Variants in ACTL8 observed in about 807,000 individuals in gnomAD.
ACTL8 encodes the protein actin-like protein 8.
In ACTL8, 3 loss-of-function variants were observed where a neutral mutation model predicts 9.3. That is an observed-to-expected ratio of 0.32 (90% CI 0.15 to 0.83). The LOEUF is 0.83. Ranked by LOEUF, ACTL8 falls within the 40% of genes least tolerant of loss-of-function variation. ACTL8 has a pLI of 0.57. For missense variants in ACTL8, 381 were observed against 492.2 expected (o/e 0.77, Z 2.14); for synonymous variants, 224 against 205.9 (o/e 1.09, Z -0.75).
rs149848891 is a variant in ACTL8, at chr1:17,784,314, G to T, written c.-25+28810G>T. On this transcript the variant is annotated intron_variant, in intron 1 of 2. Coordinates refer to ENST00000375406, the MANE Select transcript of ACTL8 (RefSeq NM_030812.3). ...CTTGAGGACAGCAAGGGGGAAGTCC[G>T]CCCCCATGATCCAGTCACCTCCCAC... is the stretch of plus-strand genomic sequence containing the variant. Among the ~76,000 whole-genome samples the T allele has an allele frequency of 1.3e-3, 198 of 152,210 alleles. 2 individuals carry two copies. In the East Asian group the frequency reaches 0.02, roughly 15 times the overall value.
intron 1 of ACTL8, among the ~76,000 whole-genome samples, chr1:17,781,022 C>G (rs1389704894): frequency 1.3e-5 from 2 of 152,096 alleles, no homozygotes; most frequent in African/African-American, 4.8e-5. Flanking sequence ...AGTCTGAGAT[C>G]GGTCAGCAGA....
At chr1:17,757,456 C>T (rs894029280) in intron 1 of ACTL8, among the ~76,000 whole-genome samples, 2 of 152,142 alleles carry the variant, frequency 1.3e-5, no homozygotes, top group Admixed American at 1.3e-4. Context: ...ACAATCTAAA[C>T]TGCAAGTCAC....
intron 1 of ACTL8, among the ~76,000 whole-genome samples, chr1:17,784,198 T>C (rs1456530925): frequency 6.6e-6 from 1 of 152,158 alleles, no homozygotes; most frequent in African/African-American, 2.4e-5. Context: ...AGCAAGCATC[T>C]TCTTAACATG....
At chr1:17,806,009 C>T (rs1238615647) in intron 1 of ACTL8, among the ~76,000 whole-genome samples, 3 of 152,192 alleles carry the variant, frequency 2.0e-5, no homozygotes, top group South Asian at 2.1e-4. Flanking sequence ...GTATCCATTC[C>T]GGTCCTTGGG....
chr1:17,773,181 G>A (rs1225353989), intron 1 of ACTL8, among the ~76,000 whole-genome samples: 3 of 152,166 alleles, frequency 2.0e-5, no homozygotes, highest in African/African-American at 7.2e-5. Flanking sequence ...TATGTGTTTA[G>A]GAGAAGCAGA....
chr1:17,823,339 C>G lies in ACTL8; in HGVS notation c.331C>G (p.Arg111Gly). Residue 111 changes from arginine (R) to glycine (G), a missense_variant, in exon 2 of 3, where the codon CGA becomes GGA. By Grantham distance (125) the Arg-to-Gly change is moderately radical. Transcript: ENST00000375406. This position sits in a 1 kb window ranked among gnomAD's most constrained non-coding sequence, Gnocchi z 5.3. ...TETPLREPAD[R>G]KKMLEILFEL... ...GACACCCTTGAGGGAGCCTGCGGAC[C>G]GAAAGAAGATGCTGGAGGTGAGGCC... The G allele has an allele frequency of 6.2e-7, 1 of 1,612,888 alleles. No homozygotes were observed. The highest frequency in any genetic ancestry group is 1.1e-5 in the South Asian group (1 of 90,998).
rs149798043 is a variant in ACTL8 at position 17,787,926 on chromosome 1, G to C, written c.-25+32422G>C. 9.1e-4 allele frequency among the ~76,000 whole-genome samples: 138 copies of C among 152,302 alleles called. 2 individuals are homozygous for C. In the East Asian group the frequency reaches 0.016, roughly 17 times the overall value. ...GCCAGCAAGAGATGTTATTGGCCTT[G>C]TTAGTTTTGTGGGGGCTGAGAGGTA... On this transcript the variant is annotated intron_variant, in intron 1 of 2. Coordinates refer to ENST00000375406, the MANE Select transcript of ACTL8 (RefSeq NM_030812.3).
intron 1 of ACTL8, among the ~76,000 whole-genome samples, chr1:17,774,491 ACTC>A (rs2066104871): frequency 1.3e-5 from 2 of 151,676 alleles, no homozygotes; most frequent in South Asian, 2.1e-4. Flanking sequence ...TGAAAATTCA[ACTC>A]CTCAGGGGCC....
chr1:17,795,289 C>T (rs1271220474), intron 1 of ACTL8, among the ~76,000 whole-genome samples: 1 of 152,192 alleles, frequency 6.6e-6, no homozygotes, highest in African/African-American at 2.4e-5. Flanking sequence ...CCCCACCGTA[C>T]TTTGTCCTCA....
chr1:17,793,374 A>G (rs2066255481), intron 1 of ACTL8, among the ~76,000 whole-genome samples: 1 of 152,226 alleles, frequency 6.6e-6, no homozygotes, highest in Non-Finnish European at 1.5e-5. Context: ...TTATCTGCGC[A>G]GCTAGTTAAC....
chr1:17,826,115 G>A lies in ACTL8; in HGVS notation c.697G>A (p.Asp233Asn), dbSNP rs1336471590. ...DFRERQQSAL[D>N]ESNTYQLPDG... The stretch of plus-strand genomic sequence containing the variant: ...TCGTGAGAGGCAGCAGAGTGCCTTG[G>A]ATGAGAGCAACACCTATCAGCTCCC... The change falls in exon 3 of 3, where the codon GAT becomes AAT. Residue 233 changes from aspartate to asparagine, a missense_variant. Asp to Asn is a conservative substitution (Grantham distance 23). Coordinates refer to ENST00000375406, the MANE Select transcript of ACTL8 (RefSeq NM_030812.3). This position sits in a 1 kb window ranked among gnomAD's most constrained non-coding sequence, Gnocchi z 4.5. 6.2e-7 allele frequency: 1 copy of A among 1,610,542 alleles called. No homozygotes were observed. The highest frequency in any genetic ancestry group is 8.5e-7 in the Non-Finnish European group (1 of 1,179,366).
At chr1:17,795,630 A>G (rs1420458135) in intron 1 of ACTL8, among the ~76,000 whole-genome samples, 2 of 152,212 alleles carry the variant, frequency 1.3e-5, no homozygotes, top group Admixed American at 1.3e-4. Context: ...CTGGGATAAC[A>G]GATTCCCTTT....
chr1:17,806,258 ACAAT>A (rs1411918870), intron 1 of ACTL8, among the ~76,000 whole-genome samples: 1 of 152,202 alleles, frequency 6.6e-6, no homozygotes, highest in Non-Finnish European at 1.5e-5. Context: ...ATGCCAAGAG[ACAAT>A]CAATCAAGCC....
In ACTL8 at chr1:17,826,054, C is replaced by T; in HGVS notation, c.636C>T (p.Cys212=). 6.2e-7 allele frequency: 1 copy of T among 1,606,770 alleles called. No individual in the cohort carries two copies. The highest frequency in any genetic ancestry group is 8.5e-7 in the Non-Finnish European group (1 of 1,179,988). Residue 212 remains cysteine, a synonymous_variant, in exon 3 of 3, where the codon TGC becomes TGT. Coordinates refer to ENST00000375406, the MANE Select transcript of ACTL8 (RefSeq NM_030812.3). The surrounding 1 kb of genome is among the most constrained non-coding windows in gnomAD (Gnocchi z 4.5). ...ETVAVTQMNK[C]YVPQNLGEAL... is the part of the protein sequence containing the mutation. ...TCGCCGTGACTCAGATGAACAAGTGCTACGTGCCGCAGAATCTGGGGGAGG... is the reference window on the plus strand; with the variant it reads ...TCGCCGTGACTCAGATGAACAAGTGTTACGTGCCGCAGAATCTGGGGGAGG...
chr1:17,807,940 T>A (rs925400186), intron 1 of ACTL8, among the ~76,000 whole-genome samples: 3 of 152,164 alleles, frequency 2.0e-5, no homozygotes, highest in African/African-American at 7.2e-5. Context: ...CGTGTATACC[T>A]GTGTAACAAA....
At chr1:17,797,598 A>G (rs1006308856) in intron 1 of ACTL8, among the ~76,000 whole-genome samples, 1 of 152,172 alleles carries the variant, frequency 6.6e-6, no homozygotes, top group Non-Finnish European at 1.5e-5. Context: ...AAGCTTGACC[A>G]ATAATCAGAC....
At chr1:17,776,107 C>T (rs1223861933) in intron 1 of ACTL8, among the ~76,000 whole-genome samples, 1 of 152,144 alleles carries the variant, frequency 6.6e-6, no homozygotes, top group Non-Finnish European at 1.5e-5. Flanking sequence ...CCTCCCCAAC[C>T]AAAACTTGTG....
chr1:17,809,651 G>A (rs545794927), intron 1 of ACTL8, among the ~76,000 whole-genome samples: 1 of 151,952 alleles, frequency 6.6e-6, no homozygotes, highest in East Asian at 1.9e-4. Flanking sequence ...TGTGAACTGT[G>A]CATGTGAGGG....
chr1:17,807,536 C>A (rs1013702435), intron 1 of ACTL8, among the ~76,000 whole-genome samples: 1 of 152,094 alleles, frequency 6.6e-6, no homozygotes, highest in African/African-American at 2.4e-5. Context: ...AGCAAGTATG[C>A]CGTGTTATGT....
Sources: gnomAD v4.1 joint callset for allele counts (sites outside exome capture counted in the v4.1 genomes callset) on GRCh38, gnomAD v4.1.1 for gene constraint, Gnocchi (gnomAD v3.1) non-coding constraint, MANE v1.5 for transcripts, NCBI Gene and HGNC (gene_info 2026-07-23, HGNC 2026-07-21) for gene names.